Variants in PGBD2 observed in about 807,000 individuals in gnomAD.
The protein encoded by PGBD2 is piggyBac transposable element derived 2.
Under a neutral mutation model 8.1 loss-of-function variants are expected in PGBD2, and 6 were observed. The ratio of observed to expected loss-of-function variants is 0.74; its 90% CI spans 0.40 to 1.46. The LOEUF (loss-of-function observed/expected upper bound fraction) is 1.46. PGBD2 is among the 40% of genes most tolerant of loss of function. The pLI is 0.02. For synonymous variants in PGBD2, 318 were observed against 272.2 expected (o/e 1.17, Z -1.66); for missense variants, 802 against 739.0 (o/e 1.09, Z -0.99).
chr1:248,903,427 G>A (rs114771065), upstream of PGBD2, among the ~76,000 whole-genome samples: 4,976 of 152,188 alleles, frequency 0.033, 269 homozygotes, highest in African/African-American at 0.11. Context: ...GGCCTCAGGC[G>A]ATTCTCCCAC....
Position 248,917,279 on chromosome 1 carries a change from A to G in PGBD2, c.695A>G (p.Asp232Gly). The G allele has an allele frequency of 1.2e-6, 2 of 1,614,208 alleles. No homozygotes were observed. The highest frequency in any genetic ancestry group is 1.7e-6 in the Non-Finnish European group (2 of 1,180,038). Reference sequence around the variant, plus strand: ...ATCTTCTCATACTTACATTTTGCAGATAACAACGAACTTGATGCAAGTGAT... The same window carrying G: ...ATCTTCTCATACTTACATTTTGCAGGTAACAACGAACTTGATGCAAGTGAT... ...ELIFSYLHFA[D>G]NNELDASDRF... The change falls in exon 3 of 3, where the codon GAT (aspartate) becomes GGT (glycine). Residue 232 changes from aspartate to glycine, a missense_variant. Transcript: ENST00000329291.
chr1:248,876,433 C>T, the PGBD2 span, among the ~76,000 whole-genome samples: 61 of 152,338 alleles, frequency 4.0e-4, no homozygotes, highest in African/African-American at 1.4e-3. Flanking sequence ...TTTTGGTCCA[C>T]TGTGGTTTCC....
At chr1:248,911,060 C>G (rs1185446066) in intron 1 of PGBD2, among the ~76,000 whole-genome samples, 1 of 151,924 alleles carries the variant, frequency 6.6e-6, no homozygotes, top group African/African-American at 2.4e-5. Context: ...CGAGCACCCA[C>G]GAATGTGTTT....
chr1:248,912,821 G>A (rs1002748441), intron 1 of PGBD2: 1 of 73,022 alleles, frequency 1.4e-5, no homozygotes, highest in South Asian at 4.3e-4. Context: ...TTTTTTTTTT[G>A]AGATGGGGTT....
the PGBD2 span, among the ~76,000 whole-genome samples, chr1:248,880,907 T>C: frequency 1.3e-5 from 2 of 152,180 alleles, no homozygotes. Context: ...GATTTTTTCC[T>C]GTTTAATTTG....
chr1:248,924,012 G>A (rs1036930652), downstream of PGBD2, among the ~76,000 whole-genome samples: 5 of 152,336 alleles, frequency 3.3e-5, no homozygotes, highest in South Asian at 2.1e-4. Context: ...AAGGTAAGCC[G>A]TGGAGCTTCT....
chr1:248,922,817 G>A (rs1326511188), downstream of PGBD2, among the ~76,000 whole-genome samples: 2 of 152,142 alleles, frequency 1.3e-5, no homozygotes, highest in African/African-American at 2.4e-5. Context: ...TGACTTGATC[G>A]TGGTGGATAA....
chr1:248,918,107 A>G lies in PGBD2; in HGVS notation c.1523A>G (p.Asp508Gly). The G allele has an allele frequency of 6.2e-7, 1 of 1,614,258 alleles. No homozygotes were observed. The highest frequency in any genetic ancestry group is 1.7e-5 in the Admixed American group (1 of 60,032). The change falls in exon 3 of 3, where the codon GAT becomes GGT. Residue 508 changes from aspartate (D) to glycine (G), a missense_variant. Transcript: ENST00000329291. ...AWQLHRICCQ[D>G]AQVDLLAFRR... ...CAGCTGCATAGAATCTGCTGCCAAG[A>G]TGCCCAGGTGGACCTCCTTGCCTTC...
In PGBD2 at chr1:248,914,789, G is replaced by A. The variant is rs573078845; in HGVS notation, c.17+910G>A. Reference sequence around the variant, plus strand: ...ACCCCCACCCCTGGGGCTACGTATGGCAGCTGAACACTGGAAGTCCTGGCC... The same window carrying A: ...ACCCCCACCCCTGGGGCTACGTATGACAGCTGAACACTGGAAGTCCTGGCC... On this transcript the variant is annotated intron_variant, in intron 2 of 2. Coordinates refer to ENST00000329291, the MANE Select transcript of PGBD2 (RefSeq NM_170725.3). 9.8e-5 allele frequency among the ~76,000 whole-genome samples: 15 copies of A among 152,322 alleles called. No homozygotes were observed. In the South Asian group the frequency reaches 3.1e-3, roughly 32 times the overall value.
chr1:248,903,613 C>A (rs1047250650), upstream of PGBD2, among the ~76,000 whole-genome samples: 1 of 152,186 alleles, frequency 6.6e-6, no homozygotes, highest in Admixed American at 6.5e-5. Flanking sequence ...TTCAAGAAAC[C>A]AGCAATCTCT....
At chr1:248,908,405 C>T (rs886663641) in intron 1 of PGBD2, among the ~76,000 whole-genome samples, 1 of 152,198 alleles carries the variant, frequency 6.6e-6, no homozygotes, top group African/African-American at 2.4e-5. Context: ...GTGAATGGCA[C>T]CTCTGTGCAC....
chr1:248,917,000 T>A lies in PGBD2; in HGVS notation c.416T>A (p.Leu139Gln), dbSNP rs1459174315. Residue 139 changes from leucine (L) to glutamine (Q), a missense_variant, in exon 3 of 3, where the codon CTG (leucine) becomes CAG (glutamine). Coordinates refer to ENST00000329291, the MANE Select transcript of PGBD2 (RefSeq NM_170725.3). Reference protein sequence around the residue: ...PHIEDLKSQELSPVGLFELFF... With the variant: ...PHIEDLKSQEQSPVGLFELFF... ...ATTGAGGATCTGAAAAGCCAAGAGCTGAGTCCCGTGGGCCTTTTTGAGTTG... is the reference window on the plus strand; with the variant it reads ...ATTGAGGATCTGAAAAGCCAAGAGCAGAGTCCCGTGGGCCTTTTTGAGTTG... 1 of 1,613,572 alleles carries A rather than the reference T, an allele frequency of 6.2e-7. No homozygotes were observed. Among genetic ancestry groups the A allele is most frequent in the Non-Finnish European group, 8.5e-7 (1 of 1,179,926 alleles).
At chr1:248,926,864 A>G in the PGBD2 span, among the ~76,000 whole-genome samples, 2 of 152,098 alleles carry the variant, frequency 1.3e-5, no homozygotes, top group African/African-American at 4.8e-5. Flanking sequence ...CCAAATACCT[A>G]TGAATGGCAG....
At chr1:248,914,684 C>T (rs1662028937) in intron 2 of PGBD2, 2 of 1,027,340 alleles carry the variant, frequency 1.9e-6, no homozygotes, top group African/African-American at 1.7e-5. Context: ...TGCCTACCCT[C>T]CATGCTGAGT....
upstream of PGBD2, among the ~76,000 whole-genome samples, chr1:248,903,278 G>C (rs949445429): frequency 6.6e-6 from 1 of 152,026 alleles, no homozygotes; most frequent in Non-Finnish European, 1.5e-5. Flanking sequence ...AGCTCATTGA[G>C]GTCTCAAACT....
At chr1:248,894,446 G>A in the PGBD2 span, among the ~76,000 whole-genome samples, 2 of 152,020 alleles carry the variant, frequency 1.3e-5, no homozygotes, top group Admixed American at 1.3e-4. Context: ...TTTTGTGTAT[G>A]GTGTAAGACA....
chr1:248,878,295 T>C, the PGBD2 span, among the ~76,000 whole-genome samples: 5 of 152,004 alleles, frequency 3.3e-5, no homozygotes, highest in Non-Finnish European at 5.9e-5. Context: ...GTCTCCTGCC[T>C]CAGCCTCCCG....
the PGBD2 span, among the ~76,000 whole-genome samples, chr1:248,874,789 T>C: frequency 6.6e-6 from 1 of 152,102 alleles, no homozygotes. Flanking sequence ...TAGAGATAAT[T>C]GAAATAATGC....
At position 248,913,822 on chromosome 1, in the gene PGBD2, A is replaced by C. The variant is rs1251056363; in HGVS notation, c.-41A>C. ...GACTTTTCTTGTCTTACAGGTTCTT[A>C]GACTCTGTGAGTAAAGACAGCTTCA... On this transcript the variant is annotated 5_prime_UTR_variant, in exon 2 of 3. Transcript: ENST00000329291. 2 of 1,563,088 alleles carry C rather than the reference A, an allele frequency of 1.3e-6. No individual in the cohort carries two copies. The highest frequency in any genetic ancestry group is 2.2e-5 in the South Asian group (2 of 89,956).
Sources: allele counts gnomAD v4.1 joint callset (sites outside exome capture counted in the v4.1 genomes callset), GRCh38; gene constraint gnomAD v4.1.1; transcripts MANE v1.5; gene names NCBI Gene and HGNC (gene_info 2026-07-23, HGNC 2026-07-21).